SZT2: variants seen among roughly 807,000 people sequenced by gnomAD.
The protein encoded by SZT2 is SZT2 subunit of KICSTOR complex.
SZT2 carries 216 observed loss-of-function variants against 404.2 expected under a neutral mutation model. The observed-to-expected ratio is 0.53, with a 90% CI of 0.48 to 0.60. SZT2 has a LOEUF of 0.60. Among genes scored for constraint, SZT2 ranks in the 20% least tolerant of loss-of-function variants. SZT2 has a pLI of 0.00. For synonymous variants in SZT2, 1,693 were observed against 1,749.9 expected (o/e 0.97, Z 0.81); for missense variants, 3,857 against 4,459.2 (o/e 0.86, Z 3.85).
rs1035347595 is a variant in SZT2 at position 43,426,312 on chromosome 1, C to T, written c.3044-56C>T. 1.0e-4 allele frequency: 150 copies of T among 1,505,060 alleles called. 1 individual carries two copies. Among genetic ancestry groups the T allele is most frequent in the Admixed American group, 1.0e-4 (5 of 49,594 alleles). 93.2% of individuals were successfully genotyped at this position (1,505,060 alleles called of 1,614,324 possible). A position where few individuals can be genotyped will look rare whatever the true frequency, so the allele number is the denominator to read the frequency against. On this transcript the variant is annotated intron_variant, in intron 21 of 71. Transcript: ENST00000634258. This position sits in a 1 kb window ranked among gnomAD's most constrained non-coding sequence, Gnocchi z 4.9. ...AGGGGCCAGCTGGTCAGGGCTGAGCCGGGGGCACCGGGCAGCAGGAGGCTC... is the reference window on the plus strand; with the variant it reads ...AGGGGCCAGCTGGTCAGGGCTGAGCTGGGGGCACCGGGCAGCAGGAGGCTC...
Position 43,451,588 on chromosome 1 carries a change from G to C in SZT2, c.*1108G>C. 1.2e-6 allele frequency: 2 copies of C among 1,613,692 alleles called. No homozygotes were observed. The highest frequency in any genetic ancestry group is 1.7e-6 in the Non-Finnish European group (2 of 1,179,706). On this transcript the variant is annotated 3_prime_UTR_variant, in exon 72 of 72. Coordinates refer to ENST00000634258, the MANE Select transcript of SZT2 (RefSeq NM_001365999.1). ...AAATGTGGGGTCCAGGCTCCTGCCA[G>C]GGCCTGAAGGACAGATGTGGGGATT...
In SZT2 at chr1:43,415,934, T is replaced by G. The variant is rs1651667472; in HGVS notation, c.631-26T>G. The G allele has an allele frequency of 1.9e-6, 3 of 1,587,554 alleles. No individual in the cohort carries two copies. The South Asian group carries it at 3.4e-5, about 18-fold the overall frequency. ...GGGGCAGCAATGCCATCTGCCCCAT[T>G]CTGTCTTTTCTGTAACTTGGGGCAG... On this transcript the variant is annotated intron_variant, in intron 5 of 71. Transcript: ENST00000634258.
At position 43,430,539 on chromosome 1, in the gene SZT2, G is replaced by T; in HGVS notation, c.4524G>T (p.Glu1508Asp). The T allele has an allele frequency of 1.2e-6, 2 of 1,614,220 alleles. No homozygotes were observed. Among genetic ancestry groups the T allele is most frequent in the Middle Eastern group, 1.6e-4 (1 of 6,062 alleles). The change falls in exon 32 of 72, where the codon GAG (glutamate) becomes GAT (aspartate). Residue 1508 changes from glutamate (E) to aspartate (D), a missense_variant. Physicochemically the swap from Glu to Asp is conservative, Grantham distance 45. Transcript: ENST00000634258. ...GTGTGGTCACTGAGAGTGACCCAGAGCTAGAGGTAGAATACCGGGAGAGCC... is the reference window on the plus strand; with the variant it reads ...GTGTGGTCACTGAGAGTGACCCAGATCTAGAGGTAGAATACCGGGAGAGCC... ...ACCVVTESDP[E>D]LEVEYRESRE...
Position 43,432,571 on chromosome 1 carries a change from C to T in SZT2, c.5497C>T (p.Pro1833Ser). ...PGSPEDSEGVPLISLPRVPQG... is the reference protein window; with the variant it reads ...PGSPEDSEGVSLISLPRVPQG... ...GTCCCCAGAGGATTCTGAGGGTGTC[C>T]CCCTCATCAGCCTGCCCCGCGTGCC... Residue 1833 changes from proline to serine, a missense_variant, in exon 38 of 72, where the codon CCC becomes TCC. Physicochemically the swap from Pro to Ser is moderately conservative, Grantham distance 74. Around this residue, in one of 7 missense-constraint regions of SZT2, gnomAD observed 1,725 missense variants for 1,881.0 expected, o/e 0.92. Transcript: ENST00000634258. The T allele has an allele frequency of 1.9e-6, 3 of 1,613,672 alleles. No homozygotes were observed. The highest frequency in any genetic ancestry group is 2.5e-6 in the Non-Finnish European group (3 of 1,179,778).
Position 43,452,688 on chromosome 1 carries a change from TACTTAG to T in SZT2, c.*2209_*2214del. The T allele has an allele frequency of 1.6e-6, 1 of 607,218 alleles. No individual in the cohort carries two copies. The highest frequency in any genetic ancestry group is 2.9e-6 in the Non-Finnish European group (1 of 341,330). 37.6% of individuals were successfully genotyped at this position (607,218 alleles called of 1,614,324 possible). A position where few individuals can be genotyped will look rare whatever the true frequency, so the allele number is the denominator to read the frequency against. On this transcript the variant is annotated 3_prime_UTR_variant, in exon 72 of 72. Transcript: ENST00000634258. ...TGTCTCTACTTCCTCTCCTCGCATC[TACTTAG>T]CCTTTTCCCATCTGTTTTCTGCCCC...
rs533707916 is a variant in SZT2, at chr1:43,432,971, T to C, written c.5603-18T>C. On this transcript the variant is annotated intron_variant, in intron 39 of 71. Transcript: ENST00000634258. The stretch of plus-strand genomic sequence containing the variant: ...GCCCAGCTTCGGATGGGATTGACCT[T>C]CAATGCATCTGACACAGGTTATGAT... 6.2e-7 allele frequency: 1 copy of C among 1,613,670 alleles called. No homozygotes were observed. The highest frequency in any genetic ancestry group is 1.3e-5 in the African/African-American group (1 of 75,040).
chr1:43,405,736 G>A (rs553625797), intron 4 of SZT2: 1 of 152,306 alleles, frequency 6.6e-6, no homozygotes, highest in South Asian at 2.1e-4. Context: ...TATCAGTTGT[G>A]GGCTGCATCC....
chr1:43,431,902 G>A lies in SZT2; in HGVS notation c.5274+1G>A. ...GCGTTCCCTCACACAATTCAAGGAG[G>A]TAAGTTGCCCTCCAAACACTGCAGG... On this transcript the variant is annotated splice_donor_variant, in intron 36 of 71. Transcript: ENST00000634258. LOFTEE classifies it high-confidence loss of function. 1 of 1,614,042 alleles carries A rather than the reference G, an allele frequency of 6.2e-7. No homozygotes were observed. Among genetic ancestry groups the A allele is most frequent in the Non-Finnish European group, 8.5e-7 (1 of 1,180,006 alleles).
rs771676834 is a variant in SZT2 at position 43,433,190 on chromosome 1, G to A, written c.5804G>A (p.Arg1935Gln). ...CGTGTGGAAGTGTATGCACATGCAC[G>A]GTAAGTAGAAGCCAGGGCCTGCACC... Reference protein sequence around the residue: ...QDRVEVYAHARSLIREDGGPG... With the variant: ...QDRVEVYAHAQSLIREDGGPG... Residue 1935 changes from arginine to glutamine, a missense_variant and splice_region_variant, in exon 40 of 72, where the codon CGG (arginine) becomes CAG (glutamine). By Grantham distance (43) the Arg-to-Gln change is conservative (BLOSUM62 1). This residue lies in a region of SZT2 where 1,725 missense variants were observed against 1,881.0 expected (regional missense o/e 0.92). Coordinates refer to ENST00000634258, the MANE Select transcript of SZT2 (RefSeq NM_001365999.1). The A allele has an allele frequency of 5.6e-6, 9 of 1,612,968 alleles. No individual in the cohort carries two copies. Among genetic ancestry groups the A allele is most frequent in the Middle Eastern group, 1.7e-4 (1 of 5,790 alleles).
rs373540625 is a variant in SZT2 at position 43,430,257 on chromosome 1, G to C, written c.4402-54G>C. On this transcript the variant is annotated intron_variant, in intron 30 of 71. Coordinates refer to ENST00000634258, the MANE Select transcript of SZT2 (RefSeq NM_001365999.1). ...AGACAAGTGTAATCCCACTTGCCTA[G>C]GATGAGGCAAGTGGGATTCTTGCCT... 2.1e-3 allele frequency: 3,303 copies of C among 1,590,744 alleles called. 76 individuals are homozygous for C. The South Asian group carries it at 0.031, about 15-fold the overall frequency.
At chr1:43,418,435 A>G (rs948250829) in intron 7 of SZT2, among the ~76,000 whole-genome samples, 2 of 152,158 alleles carry the variant, frequency 1.3e-5, no homozygotes, top group African/African-American at 4.8e-5. Flanking sequence ...TTTCTTTGAA[A>G]ATAGAAAGAA....
intron 70 of SZT2, chr1:43,449,602 T>G: frequency 5.4e-6 from 1 of 184,122 alleles, no homozygotes; most frequent in South Asian, 1.2e-4. Flanking sequence ...CTTCACTGTC[T>G]GCAAGGTCTG....
chr1:43,450,074 C>T lies in SZT2; in HGVS notation c.10087-29C>T. 4.3e-6 allele frequency: 7 copies of T among 1,613,960 alleles called. No individual in the cohort carries two copies. Among genetic ancestry groups the T allele is most frequent in the Non-Finnish European group, 5.9e-6 (7 of 1,179,856 alleles). ...TGCCCTGTGGGAGGGTCTGTAGGGT[C>T]TGTGTCCCCTCCTCATCTTTCACTG... On this transcript the variant is annotated intron_variant, in intron 70 of 71. Transcript: ENST00000634258. The surrounding 1 kb of genome is among the most constrained non-coding windows in gnomAD (Gnocchi z 4.3).
intron 62 of SZT2, among the ~76,000 whole-genome samples, chr1:43,444,686 C>A (rs1397970194): frequency 6.6e-6 from 1 of 152,132 alleles, no homozygotes; most frequent in Non-Finnish European, 1.5e-5. Flanking sequence ...TCTGCAGCCA[C>A]CTTTTCATCC....
chr1:43,439,987 C>G lies in SZT2; in HGVS notation c.7149C>G (p.Ala2383=), dbSNP rs60480887. The G allele has an allele frequency of 1.2e-5, 20 of 1,613,990 alleles. No individual in the cohort carries two copies. Among genetic ancestry groups the G allele is most frequent in the Non-Finnish European group, 1.7e-5 (20 of 1,180,014 alleles). ...GAGGAGCAGCTCGCCAGGCCCTGGCCGATGCCATCATCGAGCTTCAGCTGC... is the reference window on the plus strand; with the variant it reads ...GAGGAGCAGCTCGCCAGGCCCTGGCGGATGCCATCATCGAGCTTCAGCTGC... ...KLRGAARQAL[A]DAIIELQLLP... The change falls in exon 51 of 72, where the codon GCC becomes GCG. Residue 2383 remains alanine, a synonymous_variant. Coordinates refer to ENST00000634258, the MANE Select transcript of SZT2 (RefSeq NM_001365999.1). This position sits in a 1 kb window ranked among gnomAD's most constrained non-coding sequence, Gnocchi z 4.2.
chr1:43,403,257 C>T lies in SZT2; in HGVS notation c.108C>T (p.Leu36=), dbSNP rs765992944. 3 of 1,613,920 alleles carry T rather than the reference C, an allele frequency of 1.9e-6. No homozygotes were observed. Among genetic ancestry groups the T allele is most frequent in the South Asian group, 1.1e-5 (1 of 91,080 alleles). ...GAAATGTTCGCCTGGCTTGGTTCCT[C>T]AGTCATCTGCACCAAACTGTGCAGG... ...ISRNVRLAWF[L]SHLHQTVQAT... The change falls in exon 2 of 72, where the codon CTC becomes CTT. Residue 36 remains leucine, a synonymous_variant. Transcript: ENST00000634258.
chr1:43,447,458 C>T (rs1570738899), intron 66 of SZT2, 87 bp from the exon 67 acceptor site: 2 of 1,531,576 alleles, frequency 1.3e-6, no homozygotes, highest in East Asian at 4.5e-5. Context: ...CAGTCAGAGC[C>T]TTAAAGACTC....
chr1:43,450,617 C>T lies in SZT2; in HGVS notation c.*137C>T. 1 of 1,335,306 alleles carries T rather than the reference C, an allele frequency of 7.5e-7. No individual in the cohort carries two copies. Among genetic ancestry groups the T allele is most frequent in the Non-Finnish European group, 1.0e-6 (1 of 974,104 alleles). The allele number at this position is 1,335,306 out of a possible 1,614,324, so 82.7% of individuals were successfully genotyped here. A position where few individuals can be genotyped will look rare whatever the true frequency, so the allele number is the denominator to read the frequency against. On this transcript the variant is annotated 3_prime_UTR_variant, in exon 72 of 72. Coordinates refer to ENST00000634258, the MANE Select transcript of SZT2 (RefSeq NM_001365999.1). This position sits in a 1 kb window ranked among gnomAD's most constrained non-coding sequence, Gnocchi z 4.3. ...CTGAGTGACACCAAAGGCTTTGTAA[C>T]TATGTCTTGAGGGTCTGCTGCCCCA...
Position 43,453,116 on chromosome 1 carries a change from A to C in SZT2, c.*2636A>C. ...CTGGAATAGGCCTGTCCTCAAATGC[A>C]TCACTGTATATATTTACTCTCCTAT... is the stretch of plus-strand genomic sequence containing the variant. On this transcript the variant is annotated 3_prime_UTR_variant, in exon 72 of 72. Transcript: ENST00000634258. The C allele has an allele frequency of 2.7e-6, 2 of 727,468 alleles. No homozygotes were observed. Among genetic ancestry groups the C allele is most frequent in the Admixed American group, 4.1e-5 (2 of 49,040 alleles). The allele number at this position is 727,468 out of a possible 1,614,324, so 45.1% of individuals were successfully genotyped here.
Sources: gnomAD v4.1 joint callset for allele counts (sites outside exome capture counted in the v4.1 genomes callset) on GRCh38, gnomAD v4.1.1 for gene constraint, gnomAD v4.1.1 regional missense constraint, Gnocchi (gnomAD v3.1) non-coding constraint, MANE v1.5 for transcripts, NCBI Gene and HGNC (gene_info 2026-07-23, HGNC 2026-07-21) for gene names.